The following C11orf87 variants were observed in gnomAD, a reference collection of about 807,000 sequenced individuals.
C11orf87 encodes the protein chromosome 11 open reading frame 87.
In C11orf87, 3 loss-of-function variants were observed where a neutral mutation model predicts 9.2. The ratio of observed to expected loss-of-function variants is 0.33; its 90% CI spans 0.15 to 0.84. The LOEUF (loss-of-function observed/expected upper bound fraction) is 0.84. Ranked by LOEUF, C11orf87 falls within the 40% of genes least tolerant of loss-of-function variation. The pLI is 0.55. For synonymous variants in C11orf87, 124 were observed against 124.6 expected, an observed-to-expected ratio of 1.00 and a Z score of 0.03; for missense variants, 256 against 270.7, an observed-to-expected ratio of 0.95 and a Z score of 0.38.
Position 109,424,169 on chromosome 11 carries a change from C to G in C11orf87, c.536C>G (p.Ala179Gly), listed in dbSNP as rs1245244754. Reference protein sequence around the residue: ...PASSPQGAHAASSCLDTAGEG... With the variant: ...PASSPQGAHAGSSCLDTAGEG... Reference sequence around the variant, plus strand: ...TCCAGTCCCCAAGGAGCACACGCAGCTTCCTCCTGTTTGGACACAGCTGGC... The same window carrying G: ...TCCAGTCCCCAAGGAGCACACGCAGGTTCCTCCTGTTTGGACACAGCTGGC... Residue 179 changes from alanine (A) to glycine (G), a missense_variant, in exon 2 of 2, where the codon GCT (alanine) becomes GGT (glycine). Coordinates refer to ENST00000327419, the MANE Select transcript of C11orf87 (RefSeq NM_207645.4). The surrounding 1 kb of genome is among the most constrained non-coding windows in gnomAD (Gnocchi z 4.7). The G allele has an allele frequency of 1.2e-6, 2 of 1,614,214 alleles. No homozygotes were observed. The highest frequency in any genetic ancestry group is 1.7e-6 in the Non-Finnish European group (2 of 1,180,044).
chr11:109,425,098 G>T lies in C11orf87; in HGVS notation c.*871G>T, dbSNP rs1346879092. The T allele has an allele frequency of 6.0e-6, 1 of 165,510 alleles. No homozygotes were observed. The highest frequency in any genetic ancestry group is 1.5e-5 in the Non-Finnish European group (1 of 67,944). The allele number at this position is 165,510 out of a possible 1,614,324, so 10.3% of individuals were successfully genotyped here. On this transcript the variant is annotated 3_prime_UTR_variant, in exon 2 of 2. Coordinates refer to ENST00000327419, the MANE Select transcript of C11orf87 (RefSeq NM_207645.4). ...TTACAAAGGATCTGGGAGCTGTCCA[G>T]CCAGGTCTGGTGCTGAAGTCGCCTC... is the stretch of plus-strand genomic sequence containing the variant.
chr11:109,422,897 G>A (rs1165619125), intron 1 of C11orf87, among the ~76,000 whole-genome samples: 1 of 151,896 alleles, frequency 6.6e-6, no homozygotes, highest in Non-Finnish European at 1.5e-5. Context: ...ACGCTGTCCA[G>A]GGAGGGCGAG....
Position 109,424,135 on chromosome 11 carries a change from C to T in C11orf87, c.502C>T (p.Pro168Ser). ...CQGPCAPPPP[P>S]PASSPQGAHA... ...GGGTCCCTGTGCTCCTCCGCCTCCA[C>T]CGCCAGCCTCCAGTCCCCAAGGAGC... The change falls in exon 2 of 2, where the codon CCG becomes TCG. Residue 168 changes from proline (P) to serine (S), a missense_variant. Transcript: ENST00000327419. The surrounding 1 kb of genome is among the most constrained non-coding windows in gnomAD (Gnocchi z 4.7). 2 of 1,614,044 alleles carry T rather than the reference C, an allele frequency of 1.2e-6. No individual in the cohort carries two copies. The highest frequency in any genetic ancestry group is 1.7e-6 in the Non-Finnish European group (2 of 1,180,034).
At position 109,424,288 on chromosome 11, in the gene C11orf87, T is replaced by C. The variant is rs763498059; in HGVS notation, c.*61T>C. 3.7e-6 allele frequency: 5 copies of C among 1,352,784 alleles called. No homozygotes were observed. The highest frequency in any genetic ancestry group is 2.2e-5 in the Admixed American group (1 of 45,596). The allele number at this position is 1,352,784 out of a possible 1,614,324, so 83.8% of individuals were successfully genotyped here. On this transcript the variant is annotated 3_prime_UTR_variant, in exon 2 of 2. Coordinates refer to ENST00000327419, the MANE Select transcript of C11orf87 (RefSeq NM_207645.4). This position sits in a 1 kb window ranked among gnomAD's most constrained non-coding sequence, Gnocchi z 4.7. ...AGCATCTTTGCCACCCTTGCTTTTT[T>C]CCTTCTTCCTTCCTTTTCCATTTTC...
Position 109,424,497 on chromosome 11 carries a change from A to C in C11orf87, c.*270A>C. The C allele has an allele frequency of 2.0e-5, 4 of 202,856 alleles. No individual in the cohort carries two copies. Among genetic ancestry groups the C allele is most frequent in the Non-Finnish European group, 3.2e-5 (3 of 92,674 alleles). 12.6% of individuals were successfully genotyped at this position (202,856 alleles called of 1,614,324 possible). ...TAATTATTATAATACTAATAACACA[A>C]TCCAAGCGCATGACAAATCACATAA... On this transcript the variant is annotated 3_prime_UTR_variant, in exon 2 of 2. Transcript: ENST00000327419. This position sits in a 1 kb window ranked among gnomAD's most constrained non-coding sequence, Gnocchi z 4.7.
Position 109,423,969 on chromosome 11 carries a change from C to T in C11orf87, c.336C>T (p.Gly112=), listed in dbSNP as rs773370791. Residue 112 remains glycine (G), a synonymous_variant, in exon 2 of 2, where the codon GGC becomes GGT. Transcript: ENST00000327419. This position sits in a 1 kb window ranked among gnomAD's most constrained non-coding sequence, Gnocchi z 5.3. ...ATCACTGCAGCGGCAGCCGCGGTGG[C>T]GGGGGGCTGCCCCGACCTGGCAGGC... is the stretch of plus-strand genomic sequence containing the variant. ...ERDHCSGSRG[G]GGLPRPGRQA... is the part of the protein sequence containing the mutation. 6.2e-7 allele frequency: 1 copy of T among 1,613,808 alleles called. No homozygotes were observed. Among genetic ancestry groups the T allele is most frequent in the South Asian group, 1.1e-5 (1 of 91,070 alleles).
Position 109,423,630 on chromosome 11 carries a change from G to T in C11orf87, c.-4G>T, listed in dbSNP as rs746386515. On this transcript the variant is annotated 5_prime_UTR_variant, in exon 2 of 2. Coordinates refer to ENST00000327419, the MANE Select transcript of C11orf87 (RefSeq NM_207645.4). The surrounding 1 kb of genome is among the most constrained non-coding windows in gnomAD (Gnocchi z 5.3). Reference sequence around the variant, plus strand: ...TGGGCCTGGCCCCTCCCAGCCCCGCGCCAATGAGTGCCAGGGCGCCGAAGG... The same window carrying T: ...TGGGCCTGGCCCCTCCCAGCCCCGCTCCAATGAGTGCCAGGGCGCCGAAGG... The T allele has an allele frequency of 6.3e-7, 1 of 1,592,866 alleles. No homozygotes were observed. Among genetic ancestry groups the T allele is most frequent in the East Asian group, 2.2e-5 (1 of 44,566 alleles).
rs1860596408 is a variant in C11orf87, at chr11:109,428,048, A to G, written c.*3821A>G. ...GTCCTGGTTAGCTTGGAAAATTGGT[A>G]ATTAGATAAGCTTCCTTTCCTAGGT... On this transcript the variant is annotated 3_prime_UTR_variant, in exon 2 of 2. Coordinates refer to ENST00000327419, the MANE Select transcript of C11orf87 (RefSeq NM_207645.4). 1 of 152,070 alleles carries G rather than the reference A, an allele frequency of 6.6e-6. No homozygotes were observed. The highest frequency in any genetic ancestry group is 2.4e-5 in the African/African-American group (1 of 41,428). 9.4% of individuals were successfully genotyped at this position (152,070 alleles called of 1,614,324 possible).
Position 109,427,812 on chromosome 11 carries a change from T to C in C11orf87, c.*3585T>C, listed in dbSNP as rs1253342908. The C allele has an allele frequency of 2.0e-5, 3 of 152,146 alleles. No individual in the cohort carries two copies. The highest frequency in any genetic ancestry group is 6.6e-5 in the Admixed American group (1 of 15,264). The allele number at this position is 152,146 out of a possible 1,614,324, so 9.4% of individuals were successfully genotyped here. A position where few individuals can be genotyped will look rare whatever the true frequency, so the allele number is the denominator to read the frequency against. Reference sequence around the variant, plus strand: ...AATATTTAGACTTTATATACACCCATAGATATGTATTTATATATGCATACG... The same window carrying C: ...AATATTTAGACTTTATATACACCCACAGATATGTATTTATATATGCATACG... On this transcript the variant is annotated 3_prime_UTR_variant, in exon 2 of 2. Coordinates refer to ENST00000327419, the MANE Select transcript of C11orf87 (RefSeq NM_207645.4).
chr11:109,422,530 G>A (rs1860505240), intron 1 of C11orf87, among the ~76,000 whole-genome samples: 1 of 152,136 alleles, frequency 6.6e-6, no homozygotes, highest in South Asian at 2.1e-4. Context: ...GAAAAGCCTC[G>A]GGGCCTTTGG....
chr11:109,423,237 T>G lies in C11orf87; in HGVS notation c.-259-138T>G. 1 of 245,980 alleles carries G rather than the reference T, an allele frequency of 4.1e-6. No homozygotes were observed. The highest frequency in any genetic ancestry group is 7.8e-6 in the Non-Finnish European group (1 of 128,556). The allele number at this position is 245,980 out of a possible 1,614,324, so 15.2% of individuals were successfully genotyped here. ...ACGGCCACGGGCCGGCAGGCTGGGG[T>G]CCGCTGACCGAAAATACAGGCAGCG... On this transcript the variant is annotated intron_variant, in intron 1 of 1. Transcript: ENST00000327419. The surrounding 1 kb of genome is among the most constrained non-coding windows in gnomAD (Gnocchi z 5.3).
At position 109,425,851 on chromosome 11, in the gene C11orf87, A is replaced by G. The variant is rs1182673665; in HGVS notation, c.*1624A>G. 1 of 152,298 alleles carries G rather than the reference A, an allele frequency of 6.6e-6. No individual in the cohort carries two copies. Among genetic ancestry groups the G allele is most frequent in the African/African-American group, 2.4e-5 (1 of 41,438 alleles). The allele number at this position is 152,298 out of a possible 1,614,324, so 9.4% of individuals were successfully genotyped here. Reference sequence around the variant, plus strand: ...ACATGCGAATTTCAAGAAAAGCTAGATCCAGTAATTACTTATAGGATACAA... The same window carrying G: ...ACATGCGAATTTCAAGAAAAGCTAGGTCCAGTAATTACTTATAGGATACAA... On this transcript the variant is annotated 3_prime_UTR_variant, in exon 2 of 2. Coordinates refer to ENST00000327419, the MANE Select transcript of C11orf87 (RefSeq NM_207645.4).
Position 109,423,504 on chromosome 11 carries a change from G to T in C11orf87, c.-130G>T, listed in dbSNP as rs976094545. On this transcript the variant is annotated 5_prime_UTR_variant, in exon 2 of 2. Transcript: ENST00000327419. This position sits in a 1 kb window ranked among gnomAD's most constrained non-coding sequence, Gnocchi z 5.3. ...CAGTTGCTCCCTTAGTCCTTGGCTC[G>T]CTCGCACACCCCCTCCCGCTACAGG... 1 of 960,926 alleles carries T rather than the reference G, an allele frequency of 1.0e-6. No individual in the cohort carries two copies. The highest frequency in any genetic ancestry group is 1.5e-6 in the Non-Finnish European group (1 of 664,852). 59.5% of individuals were successfully genotyped at this position (960,926 alleles called of 1,614,324 possible).
chr11:109,428,292 A>G lies in C11orf87; in HGVS notation c.*4065A>G, dbSNP rs146767274. 1.2e-4 allele frequency: 18 copies of G among 152,292 alleles called. No homozygotes were observed. Among genetic ancestry groups the G allele is most frequent in the Non-Finnish European group, 2.6e-4 (18 of 67,990 alleles). 9.4% of individuals were successfully genotyped at this position (152,292 alleles called of 1,614,324 possible). On this transcript the variant is annotated 3_prime_UTR_variant, in exon 2 of 2. Coordinates refer to ENST00000327419, the MANE Select transcript of C11orf87 (RefSeq NM_207645.4). ...CTAAAGGTAAAGTGAAAATATGACC[A>G]TTATCTGTTTAGTTTGAGAAATCAT...
chr11:109,424,292 T>C lies in C11orf87; in HGVS notation c.*65T>C. The C allele has an allele frequency of 4.5e-6, 6 of 1,330,750 alleles. No individual in the cohort carries two copies. Among genetic ancestry groups the C allele is most frequent in the Non-Finnish European group, 6.3e-6 (6 of 953,286 alleles). 82.4% of individuals were successfully genotyped at this position (1,330,750 alleles called of 1,614,324 possible). A position where few individuals can be genotyped will look rare whatever the true frequency, so the allele number is the denominator to read the frequency against. On this transcript the variant is annotated 3_prime_UTR_variant, in exon 2 of 2. Coordinates refer to ENST00000327419, the MANE Select transcript of C11orf87 (RefSeq NM_207645.4). This position sits in a 1 kb window ranked among gnomAD's most constrained non-coding sequence, Gnocchi z 4.7. Reference sequence around the variant, plus strand: ...TCTTTGCCACCCTTGCTTTTTTCCTTCTTCCTTCCTTTTCCATTTTCCTCT... The same window carrying C: ...TCTTTGCCACCCTTGCTTTTTTCCTCCTTCCTTCCTTTTCCATTTTCCTCT...
chr11:109,423,448 C>T lies in C11orf87; in HGVS notation c.-186C>T. The T allele has an allele frequency of 1.7e-6, 1 of 605,854 alleles. No homozygotes were observed. Among genetic ancestry groups the T allele is most frequent in the East Asian group, 2.8e-5 (1 of 35,396 alleles). The allele number at this position is 605,854 out of a possible 1,614,324, so 37.5% of individuals were successfully genotyped here. A position where few individuals can be genotyped will look rare whatever the true frequency, so the allele number is the denominator to read the frequency against. ...GGTATCGGCGAGGATCTCTCGGGCGCCGCTCACTCCTTGGTCGCCTTGCTT... is the reference window on the plus strand; with the variant it reads ...GGTATCGGCGAGGATCTCTCGGGCGTCGCTCACTCCTTGGTCGCCTTGCTT... On this transcript the variant is annotated 5_prime_UTR_variant, in exon 2 of 2. Transcript: ENST00000327419. The surrounding 1 kb of genome is among the most constrained non-coding windows in gnomAD (Gnocchi z 5.3).
In C11orf87 at chr11:109,423,711, C is replaced by G. The variant is rs902161196; in HGVS notation, c.78C>G (p.Asn26Lys). ...CLLNRTFASP[N>K]ASGSGNTGAR... ...TCAACCGGACCTTTGCTTCCCCCAA[C>G]GCCAGCGGCAGCGGCAACACGGGTG... The change falls in exon 2 of 2, where the codon AAC (asparagine) becomes AAG (lysine). Residue 26 changes from asparagine to lysine, a missense_variant. Asn to Lys is a moderately conservative substitution (Grantham distance 94). Transcript: ENST00000327419. The surrounding 1 kb of genome is among the most constrained non-coding windows in gnomAD (Gnocchi z 5.3). 2 of 1,613,216 alleles carry G rather than the reference C, an allele frequency of 1.2e-6. No homozygotes were observed. The highest frequency in any genetic ancestry group is 1.7e-6 in the Non-Finnish European group (2 of 1,179,896).
Position 109,428,013 on chromosome 11 carries a change from A to G in C11orf87, c.*3786A>G, listed in dbSNP as rs1164924519. On this transcript the variant is annotated 3_prime_UTR_variant, in exon 2 of 2. Coordinates refer to ENST00000327419, the MANE Select transcript of C11orf87 (RefSeq NM_207645.4). ...CTGAATGACTTTCTCTTTAATAATG[A>G]AAGGGGAGAGTCCTGGTTAGCTTGG... 1 of 152,070 alleles carries G rather than the reference A, an allele frequency of 6.6e-6. No individual in the cohort carries two copies. The highest frequency in any genetic ancestry group is 1.5e-5 in the Non-Finnish European group (1 of 67,956). 9.4% of individuals were successfully genotyped at this position (152,070 alleles called of 1,614,324 possible).
rs1018854222 is a variant in C11orf87, at chr11:109,428,547, A to G, written c.*4320A>G. The G allele has an allele frequency of 4.3e-4, 65 of 152,170 alleles. 1 individual carries two copies. The highest frequency in any genetic ancestry group is 1.5e-3 in the African/African-American group (61 of 41,462). 9.4% of individuals were successfully genotyped at this position (152,170 alleles called of 1,614,324 possible). A position where few individuals can be genotyped will look rare whatever the true frequency, so the allele number is the denominator to read the frequency against. ...GAACCAGAAATTTTAATATAATCTG[A>G]TCAGGTTCCTTAGTCCCATTCCCAT... is the stretch of plus-strand genomic sequence containing the variant. On this transcript the variant is annotated 3_prime_UTR_variant, in exon 2 of 2. Transcript: ENST00000327419.
Sources: allele counts gnomAD v4.1 joint callset (sites outside exome capture counted in the v4.1 genomes callset), GRCh38; gene constraint gnomAD v4.1.1; non-coding constraint Gnocchi (gnomAD v3.1); transcripts MANE v1.5; gene names NCBI Gene and HGNC (gene_info 2026-07-23, HGNC 2026-07-21).